NRXN1: variants seen among roughly 807,000 people sequenced by gnomAD.
NRXN1 encodes the protein neurexin 1.
In NRXN1, 39 loss-of-function variants were observed where a neutral mutation model predicts 150.9. The observed-to-expected ratio is 0.26, with a 90% CI of 0.20 to 0.34. NRXN1 has a LOEUF of 0.34. Ranked by LOEUF, NRXN1 falls within the 10% of genes least tolerant of loss-of-function variation. The pLI is 1.00. For synonymous variants in NRXN1, 924 were observed against 757.0 expected (o/e 1.22, Z -3.62); for missense variants, 1,815 against 1,949.9 (o/e 0.93, Z 1.30).
intron 18 of NRXN1, among the ~76,000 whole-genome samples, chr2:50,167,436 G>C (rs116565935): frequency 0.018 from 2,737 of 151,902 alleles, 37 homozygotes; most frequent in Non-Finnish European, 0.026. Flanking sequence ...CACATGTTTA[G>C]ATACTAGAAT....
chr2:50,144,436 G>T lies in NRXN1; in HGVS notation c.3547-52942C>A, dbSNP rs111650043. Among the ~76,000 whole-genome samples, 15 of 151,824 alleles carry T rather than the reference G, an allele frequency of 9.9e-5. No homozygotes were observed. The East Asian group carries it at 1.9e-3, about 20-fold the overall frequency. On this transcript the variant is annotated intron_variant, in intron 18 of 22. Transcript: ENST00000401669. Reference sequence around the variant, plus strand: ...TCTAAAAGTGAAACCAGAAAGCTAGGGGGGAGAAACAGTGTCACACAAAAA... The same window carrying T: ...TCTAAAAGTGAAACCAGAAAGCTAGTGGGGAGAAACAGTGTCACACAAAAA...
At chr2:49,966,828 T>C (rs961404395) in intron 21 of NRXN1, among the ~76,000 whole-genome samples, 11 of 152,132 alleles carry the variant, frequency 7.2e-5, no homozygotes, top group Admixed American at 3.3e-4. Context: ...GGGGATCATA[T>C]AGATTTCCCA....
chr2:50,335,975 T>C (rs2077166839), intron 17 of NRXN1, among the ~76,000 whole-genome samples: 1 of 152,040 alleles, frequency 6.6e-6, no homozygotes, highest in Non-Finnish European at 1.5e-5. Flanking sequence ...AATTTATCAG[T>C]TCCTGTGCCA....
At chr2:50,050,324 A>G (rs905103305) in intron 21 of NRXN1, among the ~76,000 whole-genome samples, 6 of 152,014 alleles carry the variant, frequency 3.9e-5, no homozygotes, top group Admixed American at 3.9e-4. Flanking sequence ...AACAAACCTC[A>G]TCTCATCTAT....
intron 17 of NRXN1, among the ~76,000 whole-genome samples, chr2:50,331,216 T>C (rs2076815903): frequency 6.6e-6 from 1 of 152,130 alleles, no homozygotes; most frequent in African/African-American, 2.4e-5. Flanking sequence ...GGAAATAATA[T>C]GCAAGAAAGC....
chr2:50,413,873 T>C (rs1185865117), intron 17 of NRXN1, among the ~76,000 whole-genome samples: 1 of 152,090 alleles, frequency 6.6e-6, no homozygotes, highest in Admixed American at 6.6e-5. Context: ...ATTCAGTCAT[T>C]TGCAACAACA....
At chr2:50,925,729 G>A (rs143358779) in intron 3 of NRXN1, among the ~76,000 whole-genome samples, 1 of 151,812 alleles carries the variant, frequency 6.6e-6, no homozygotes, top group East Asian at 1.9e-4. Flanking sequence ...GTCTAACAAG[G>A]GTTGGAGTTA....
chr2:50,163,607 C>A (rs1022653481), intron 18 of NRXN1, among the ~76,000 whole-genome samples: 1 of 152,132 alleles, frequency 6.6e-6, no homozygotes, highest in Non-Finnish European at 1.5e-5. Flanking sequence ...TAAGGATTGA[C>A]AACTGCCTTT....
At chr2:50,673,350 A>G (rs1455603693) in intron 5 of NRXN1, among the ~76,000 whole-genome samples, 4 of 152,136 alleles carry the variant, frequency 2.6e-5, no homozygotes, top group African/African-American at 4.8e-5. Context: ...GCTAAATTAT[A>G]TATGTATTTG....
chr2:50,218,315 C>T (rs982256692), intron 18 of NRXN1, among the ~76,000 whole-genome samples: 2 of 151,502 alleles, frequency 1.3e-5, no homozygotes, highest in Admixed American at 1.3e-4. Flanking sequence ...AAACTTTCCA[C>T]CTTCAGTGGG....
intron 18 of NRXN1, among the ~76,000 whole-genome samples, chr2:50,116,984 T>C (rs1703160036): frequency 6.6e-6 from 1 of 152,128 alleles, no homozygotes; most frequent in Admixed American, 6.6e-5. Context: ...GCTAACTTTT[T>C]TCATGGTTTT....
intron 12 of NRXN1, among the ~76,000 whole-genome samples, chr2:50,511,715 T>C (rs1353754830): frequency 1.3e-5 from 2 of 152,142 alleles, no homozygotes; most frequent in African/African-American, 2.4e-5. Flanking sequence ...ACTTGAGGCA[T>C]GGTACCGACA....
chr2:50,126,051 G>C (rs773827375), intron 18 of NRXN1, among the ~76,000 whole-genome samples: 2 of 152,026 alleles, frequency 1.3e-5, no homozygotes, highest in African/African-American at 4.8e-5. Context: ...TAGCAGGAAA[G>C]AAAAAATTAC....
At chr2:49,957,520 A>C (rs142616310) in intron 21 of NRXN1, among the ~76,000 whole-genome samples, 1 of 152,310 alleles carries the variant, frequency 6.6e-6, no homozygotes, top group African/African-American at 2.4e-5. Context: ...TTTCTCACCT[A>C]AATTCACACA....
intron 5 of NRXN1, among the ~76,000 whole-genome samples, chr2:50,883,574 T>C (rs1275866168): frequency 2.0e-5 from 3 of 151,812 alleles, no homozygotes; most frequent in African/African-American, 4.8e-5. Flanking sequence ...CAGAATCAAG[T>C]GTAGAAATTG....
chr2:50,255,423 C>A lies in NRXN1; in HGVS notation c.3365-18453G>T, dbSNP rs966492584. On this transcript the variant is annotated intron_variant, in intron 17 of 22. Coordinates refer to ENST00000401669, the MANE Select transcript of NRXN1 (RefSeq NM_001330078.2). ...AACACAAGAGCACGGATTAAAGTAC[C>A]AAATCAGACATGGGGCAGGTAAGTG... Among the ~76,000 whole-genome samples the A allele has an allele frequency of 2.6e-5, 4 of 152,038 alleles. No individual in the cohort carries two copies. In the East Asian group the frequency reaches 7.7e-4, roughly 29 times the overall value.
intron 2 of NRXN1, among the ~76,000 whole-genome samples, chr2:50,965,935 T>C (rs1000142934): frequency 6.6e-6 from 1 of 151,542 alleles, no homozygotes; most frequent in Non-Finnish European, 1.5e-5. Context: ...GACCAGTAAA[T>C]AGCTTACTAC....
intron 18 of NRXN1, among the ~76,000 whole-genome samples, chr2:50,098,867 T>TGG (rs1700633253): frequency 1.4e-4 from 8 of 56,594 alleles, no homozygotes; most frequent in African/African-American, 4.8e-4. Flanking sequence ...TTTTTTTTTT[T>TGG]TTTTTTTTTT....
chr2:50,069,056 T>C (rs1695801365), intron 19 of NRXN1, among the ~76,000 whole-genome samples: 1 of 152,158 alleles, frequency 6.6e-6, no homozygotes, highest in South Asian at 2.1e-4. Flanking sequence ...GCCCCTGCCC[T>C]GAGGGAAAAC....
Sources: gnomAD v4.1 joint callset for allele counts (sites outside exome capture counted in the v4.1 genomes callset) on GRCh38, gnomAD v4.1.1 for gene constraint, MANE v1.5 for transcripts, NCBI Gene and HGNC (gene_info 2026-07-23, HGNC 2026-07-21) for gene names.